HECW2: variants seen among roughly 807,000 people sequenced by gnomAD.
The protein encoded by HECW2 is E3 ubiquitin-protein ligase HECW2.
A neutral mutation model predicts 175.2 loss-of-function variants in HECW2; 61 were observed. That is an observed-to-expected ratio of 0.35 (90% CI 0.28 to 0.43). The LOEUF (loss-of-function observed/expected upper bound fraction) is 0.43, where lower values mean the gene tolerates loss of function less well. Ranked by LOEUF, HECW2 falls within the 20% of genes least tolerant of loss-of-function variation. The pLI, the probability that HECW2 is intolerant of heterozygous loss-of-function variation, is 1.00. For missense variants in HECW2, 1,524 were observed against 2,000.5 expected (o/e 0.76, Z 4.54); for synonymous variants, 671 against 731.0 (o/e 0.92, Z 1.32).
intron 1 of HECW2, among the ~76,000 whole-genome samples, chr2:196,512,526 G>A (rs1687988707): frequency 6.6e-6 from 1 of 151,958 alleles, no homozygotes; most frequent in Non-Finnish European, 1.5e-5. Context: ...CAAGCAGCCA[G>A]GACTACAGGC....
chr2:196,511,799 T>C (rs1687961562), intron 1 of HECW2, among the ~76,000 whole-genome samples: 1 of 152,098 alleles, frequency 6.6e-6, no homozygotes, highest in Non-Finnish European at 1.5e-5. Context: ...AGGAGGTTTC[T>C]AGAGAGACCA....
intron 16 of HECW2, among the ~76,000 whole-genome samples, chr2:196,273,257 C>T (rs376695476): frequency 8.6e-5 from 13 of 151,900 alleles, no homozygotes; most frequent in African/African-American, 2.4e-4. Context: ...TTAGTAGAGA[C>T]GGGGTTTCAC....
chr2:196,412,604 G>C (rs1695145016), intron 2 of HECW2, among the ~76,000 whole-genome samples: 1 of 152,196 alleles, frequency 6.6e-6, no homozygotes, highest in African/African-American at 2.4e-5. Flanking sequence ...TAAACTCTTT[G>C]TTTTGGCCAG....
intron 2 of HECW2, among the ~76,000 whole-genome samples, chr2:196,396,030 C>T (rs971051591): frequency 3.3e-5 from 5 of 152,074 alleles, no homozygotes; most frequent in African/African-American, 1.2e-4. Context: ...GGAACATGAT[C>T]CAATCTTAAA....
intron 1 of HECW2, chr2:196,493,285 T>C (rs1222058116): frequency 6.6e-6 from 1 of 152,248 alleles, no homozygotes; most frequent in Non-Finnish European, 1.5e-5. Flanking sequence ...GGAGAATCAC[T>C]TGAGTCCAGG....
At chr2:196,250,513 G>C (rs1688816379) in intron 19 of HECW2, among the ~76,000 whole-genome samples, 1 of 152,294 alleles carries the variant, frequency 6.6e-6, no homozygotes, top group Admixed American at 6.5e-5. Flanking sequence ...TAGAAAAAGA[G>C]ATTCAGGCTC....
At chr2:196,442,545 A>G (rs1696071059) in intron 1 of HECW2, among the ~76,000 whole-genome samples, 1 of 152,228 alleles carries the variant, frequency 6.6e-6, no homozygotes, top group African/African-American at 2.4e-5. Flanking sequence ...CAAATTAACA[A>G]CAAAACAAAT....
At chr2:196,521,597 G>C (rs1688390999) in intron 1 of HECW2, among the ~76,000 whole-genome samples, 2 of 146,898 alleles carry the variant, frequency 1.4e-5, no homozygotes, top group Non-Finnish European at 1.5e-5. Flanking sequence ...TCATCATCTA[G>C]CATTAGGTAT....
chr2:196,242,622 A>G (rs1235173544), intron 19 of HECW2: 1 of 154,262 alleles, frequency 6.5e-6, no homozygotes, highest in African/African-American at 2.4e-5. Context: ...AGTAAGTGGC[A>G]CCAAGAGTGA....
At chr2:196,373,599 T>C (rs1490953943) in intron 2 of HECW2, among the ~76,000 whole-genome samples, 1 of 152,174 alleles carries the variant, frequency 6.6e-6, no homozygotes, top group Non-Finnish European at 1.5e-5. Context: ...TCTAACCTAT[T>C]TCAGGGTTTA....
intron 13 of HECW2, 46 bp from the exon 14 acceptor site, chr2:196,292,796 C>G: frequency 6.9e-7 from 1 of 1,442,436 alleles, no homozygotes; most frequent in Non-Finnish European, 9.6e-7. Flanking sequence ...TTGTGACATG[C>G]AGAAGCACCA....
At chr2:196,296,122 T>A (rs1459606476) in intron 13 of HECW2, among the ~76,000 whole-genome samples, 1 of 151,830 alleles carries the variant, frequency 6.6e-6, no homozygotes, top group Non-Finnish European at 1.5e-5. Context: ...GCAAAAACTG[T>A]GTGTGTATAG....
intron 2 of HECW2, among the ~76,000 whole-genome samples, chr2:196,359,245 C>T (rs978281059): frequency 1.2e-4 from 19 of 152,216 alleles, no homozygotes; most frequent in Admixed American, 4.6e-4. Flanking sequence ...GTCAGGAGAT[C>T]GATACCATCC....
intron 19 of HECW2, among the ~76,000 whole-genome samples, chr2:196,243,807 G>A (rs1688552080): frequency 6.6e-6 from 1 of 152,160 alleles, no homozygotes; most frequent in Admixed American, 6.5e-5. Context: ...TCGAACTCCT[G>A]ACCTCAGGTG....
intron 2 of HECW2, among the ~76,000 whole-genome samples, chr2:196,357,720 C>T (rs925282353): frequency 3.9e-5 from 6 of 152,302 alleles, no homozygotes; most frequent in African/African-American, 7.2e-5. Flanking sequence ...TCTCTCCATG[C>T]TGTTCTCATG....
At chr2:196,410,589 T>C (rs1032375429) in intron 2 of HECW2, among the ~76,000 whole-genome samples, 3 of 152,140 alleles carry the variant, frequency 2.0e-5, no homozygotes, top group Non-Finnish European at 4.4e-5. Flanking sequence ...CCTAGGAATA[T>C]AGGATCCATG....
At chr2:196,326,082 T>C (rs1692139157) in intron 5 of HECW2, among the ~76,000 whole-genome samples, 1 of 152,186 alleles carries the variant, frequency 6.6e-6, no homozygotes, top group African/African-American at 2.4e-5. Flanking sequence ...CTGAACACTG[T>C]GGTTCAGAGA....
intron 13 of HECW2, among the ~76,000 whole-genome samples, chr2:196,296,337 T>A (rs544226975): frequency 6.6e-6 from 1 of 152,316 alleles, no homozygotes; most frequent in Admixed American, 6.5e-5. Context: ...CTCCCTTGCT[T>A]TCTCCATAGG....
At chr2:196,506,037 G>A (rs1340280058) in intron 1 of HECW2, among the ~76,000 whole-genome samples, 1 of 152,144 alleles carries the variant, frequency 6.6e-6, no homozygotes, top group Non-Finnish European at 1.5e-5. Context: ...GAGGGATGGG[G>A]CCACGTGGGT....
Sources: gnomAD v4.1 joint callset for allele counts (sites outside exome capture counted in the v4.1 genomes callset) on GRCh38, gnomAD v4.1.1 for gene constraint, MANE v1.5 for transcripts, NCBI Gene and HGNC (gene_info 2026-07-23, HGNC 2026-07-21) for gene names.